Variants in TPRG1 observed in about 807,000 individuals in gnomAD.
TPRG1 encodes tumor protein p63 regulated 1.
TPRG1 carries 29 observed loss-of-function variants against 29.3 expected under a neutral mutation model. The observed-to-expected ratio is 0.99, with a 90% confidence interval of 0.74 to 1.35. TPRG1 has a LOEUF of 1.35. Among genes scored for constraint, TPRG1 ranks in the 40% most tolerant of loss-of-function variants. The pLI is 0.00. For missense variants in TPRG1, 327 were observed against 335.0 expected, an observed-to-expected ratio of 0.98 and a Z score of 0.19; for synonymous variants, 130 against 116.8, an observed-to-expected ratio of 1.11 and a Z score of -0.73.
At chr3:189,083,029 A>C (rs1717706254) in intron 4 of TPRG1, among the ~76,000 whole-genome samples, 1 of 152,098 alleles carries the variant, frequency 6.6e-6, no homozygotes, top group South Asian at 2.1e-4. Context: ...GGCACGGCTC[A>C]TTTCTCATAT....
At chr3:189,204,252 T>C (rs1221758199) in intron 1 of TPRG1, among the ~76,000 whole-genome samples, 1 of 152,188 alleles carries the variant, frequency 6.6e-6, no homozygotes, top group African/African-American at 2.4e-5. Flanking sequence ...AATGGAACAT[T>C]TGATTTTGAT....
chr3:189,312,143 T>TCTCTCTC (rs1722687272), intron 5 of TPRG1, among the ~76,000 whole-genome samples: 3 of 61,290 alleles, frequency 4.9e-5, no homozygotes, highest in Non-Finnish European at 9.4e-5. Flanking sequence ...CTTTCTTTCT[T>TCTCTCTC]TCTTTCTTTC....
chr3:189,323,480 G>A lies in TPRG1; in HGVS notation c.*2660G>A, dbSNP rs902006787. 6 of 152,128 alleles carry A rather than the reference G, an allele frequency of 3.9e-5. No individual in the cohort carries two copies. The highest frequency in any genetic ancestry group is 1.4e-4 in the African/African-American group (6 of 41,432). The allele number at this position is 152,128 out of a possible 1,614,324, so 9.4% of individuals were successfully genotyped here. A position where few individuals can be genotyped will look rare whatever the true frequency, so the allele number is the denominator to read the frequency against. On this transcript the variant is annotated 3_prime_UTR_variant, in exon 6 of 6. Transcript: ENST00000345063. Reference sequence around the variant, plus strand: ...TCTTTTATTAAACAGAAAGTTTTGAGTATTTGCCTAGAGAGTGATGTGACT... The same window carrying A: ...TCTTTTATTAAACAGAAAGTTTTGAATATTTGCCTAGAGAGTGATGTGACT...
intron 4 of TPRG1, among the ~76,000 whole-genome samples, chr3:189,032,704 G>A (rs568641756): frequency 4.7e-5 from 7 of 149,880 alleles, no homozygotes; most frequent in East Asian, 2.0e-4. Flanking sequence ...CCGTTAACTC[G>A]TCATTTAGCA....
intron 3 of TPRG1, among the ~76,000 whole-genome samples, chr3:189,018,150 G>C (rs1489978576): frequency 6.6e-6 from 1 of 151,694 alleles, no homozygotes; most frequent in African/African-American, 2.4e-5. Context: ...AGATGAGTAG[G>C]TTGCGAAAAT....
At chr3:189,255,527 T>G (rs147989388) in intron 4 of TPRG1, among the ~76,000 whole-genome samples, 1,942 of 152,272 alleles carry the variant, frequency 0.013, 45 homozygotes, top group African/African-American at 0.045. Flanking sequence ...TCAGGATGAT[T>G]CTGGTCTCAT....
intron 5 of TPRG1, among the ~76,000 whole-genome samples, chr3:189,162,929 G>A (rs981618377): frequency 3.3e-5 from 5 of 152,196 alleles, no homozygotes; most frequent in African/African-American, 4.8e-5. Flanking sequence ...CACTATATAA[G>A]TATTTGTTAA....
At chr3:189,074,566 G>C (rs1185939271) in intron 4 of TPRG1, among the ~76,000 whole-genome samples, 1 of 152,044 alleles carries the variant, frequency 6.6e-6, no homozygotes, top group Non-Finnish European at 1.5e-5. Flanking sequence ...ATGTAGGTTA[G>C]AGCATCTTAG....
At chr3:189,001,209 T>A (rs1042469523) in intron 2 of TPRG1, among the ~76,000 whole-genome samples, 5 of 152,140 alleles carry the variant, frequency 3.3e-5, no homozygotes, top group Admixed American at 2.0e-4. Context: ...AGTTTCACAA[T>A]TTTTGAGTTG....
At chr3:189,242,048 G>C (rs1412933785) in intron 4 of TPRG1, among the ~76,000 whole-genome samples, 1 of 151,940 alleles carries the variant, frequency 6.6e-6, no homozygotes. Context: ...AAATTTCCAA[G>C]TTTTTGTCTA....
At chr3:189,243,111 T>C (rs908279391) in intron 4 of TPRG1, among the ~76,000 whole-genome samples, 1 of 152,206 alleles carries the variant, frequency 6.6e-6, no homozygotes, top group African/African-American at 2.4e-5. Flanking sequence ...TTTAATTGGC[T>C]TATAGTTCTG....
intron 1 of TPRG1, among the ~76,000 whole-genome samples, chr3:189,124,676 A>G (rs941702033): frequency 2.6e-5 from 4 of 152,274 alleles, no homozygotes; most frequent in Non-Finnish European, 5.9e-5. Context: ...CACTTTATGT[A>G]TGAGGAAACT....
chr3:189,097,396 T>C (rs12493792), upstream of TPRG1, among the ~76,000 whole-genome samples: 2 of 152,212 alleles, frequency 1.3e-5, no homozygotes, highest in East Asian at 3.8e-4. Context: ...CTATAGTTTG[T>C]CTGTCAGTCA....
chr3:189,292,770 A>T (rs1348609352), intron 4 of TPRG1, among the ~76,000 whole-genome samples: 5 of 152,312 alleles, frequency 3.3e-5, no homozygotes, highest in Non-Finnish European at 7.3e-5. Context: ...TTTCCCACAC[A>T]TCCCTTAGTG....
chr3:189,288,599 G>T (rs140600125), intron 4 of TPRG1, among the ~76,000 whole-genome samples: 6 of 152,156 alleles, frequency 3.9e-5, no homozygotes, highest in African/African-American at 1.4e-4. Flanking sequence ...CTTTGATTCC[G>T]CTTTCCAATG....
intron 4 of TPRG1, among the ~76,000 whole-genome samples, chr3:189,245,480 G>A (rs1741239430): frequency 6.6e-6 from 1 of 151,986 alleles, no homozygotes; most frequent in Non-Finnish European, 1.5e-5. Context: ...ATTGTAAGTT[G>A]TATTGGCTAA....
chr3:189,058,990 T>G (rs1432011404), intron 4 of TPRG1, among the ~76,000 whole-genome samples: 1 of 152,168 alleles, frequency 6.6e-6, no homozygotes, highest in Non-Finnish European at 1.5e-5. Flanking sequence ...GTTCTGCCCC[T>G]CTTAGCACTA....
In TPRG1 at chr3:189,206,500, C is replaced by CTT. The variant is rs11336790; in HGVS notation, c.-9-859_-9-858dup. On this transcript the variant is annotated intron_variant, in intron 1 of 5. Transcript: ENST00000345063. ...TAGATGCGGTGTTGTGATGAACAAA[C>CTT]TTTTTTTTTTTTTTTTTTGAGACAG... Among the ~76,000 whole-genome samples the CTT allele has an allele frequency of 2.7e-3, 357 of 131,148 alleles. 2 individuals are homozygous for CTT. Among genetic ancestry groups the CTT allele is most frequent in the African/African-American group, 8.9e-3 (306 of 34,572 alleles). 86.0% of individuals were successfully genotyped at this position (131,148 alleles called of 152,430 possible). A position where few individuals can be genotyped will look rare whatever the true frequency, so the allele number is the denominator to read the frequency against.
chr3:189,163,697 T>G (rs1196260826), intron 5 of TPRG1, among the ~76,000 whole-genome samples: 7 of 152,218 alleles, frequency 4.6e-5, no homozygotes, highest in South Asian at 2.1e-4. Flanking sequence ...TTTCCCGGAA[T>G]GTAAAATTAA....
Sources: allele counts gnomAD v4.1 joint callset (sites outside exome capture counted in the v4.1 genomes callset), GRCh38; gene constraint gnomAD v4.1.1; transcripts MANE v1.5; gene names NCBI Gene and HGNC (gene_info 2026-07-23, HGNC 2026-07-21).